Variants in CLEC5A observed in about 807,000 individuals in gnomAD.
CLEC5A encodes the protein C-type lectin domain family 5 member A.
A neutral mutation model predicts 24.4 loss-of-function variants in CLEC5A; 15 were observed. The observed-to-expected ratio is 0.62, with a 90% CI of 0.41 to 0.95. The LOEUF is 0.95. Ranked by LOEUF, CLEC5A falls within the 40% of genes least tolerant of loss-of-function variation. The probability of loss-of-function intolerance (pLI) is 0.00; values close to 1 mark genes in which losing one functional copy is unlikely to be tolerated. For synonymous variants in CLEC5A, 71 were observed against 72.6 expected, an observed-to-expected ratio of 0.98 and a Z score of 0.11; for missense variants, 211 against 224.0, an observed-to-expected ratio of 0.94 and a Z score of 0.37.
At position 141,931,798 on chromosome 7, in the gene CLEC5A, TCAGCA is replaced by T. The variant is rs1802474222; in HGVS notation, c.369_373del (p.Asp123GlufsTer12). The stretch of plus-strand genomic sequence containing the variant: ...GTAAATTAAGCCAATAAAATACTTC[TCAGCA>T]TCAGTTATGTCCTGAAGAAACTTCT... On this transcript the variant is annotated frameshift_variant, in exon 6 of 7. Coordinates refer to ENST00000546910, the MANE Select transcript of CLEC5A (RefSeq NM_013252.3). LOFTEE classifies it high-confidence loss of function. 6.2e-7 allele frequency: 1 copy of T among 1,602,530 alleles called. No homozygotes were observed. The highest frequency in any genetic ancestry group is 1.3e-5 in the African/African-American group (1 of 74,660).
intron 4 of CLEC5A, among the ~76,000 whole-genome samples, chr7:141,942,359 A>G (rs1802818641): frequency 6.6e-6 from 1 of 152,180 alleles, no homozygotes; most frequent in Middle Eastern, 3.2e-3. Flanking sequence ...TGGTTCTGGG[A>G]CACTGGATAT....
In CLEC5A at chr7:141,933,196, G is replaced by A. The variant is rs141633899; in HGVS notation, c.346-1370C>T. Among the ~76,000 whole-genome samples the A allele has an allele frequency of 3.7e-3, 564 of 152,252 alleles. 9 individuals are homozygous for A. Among genetic ancestry groups the A allele is most frequent in the East Asian group, 0.026 (134 of 5,168 alleles). On this transcript the variant is annotated intron_variant, in intron 5 of 6. Transcript: ENST00000546910. ...GAAATTATATACTGGATCTGGAAGA[G>A]GCAGAAAGGAGGAAGCGATCATTCT...
chr7:141,935,785 G>T (rs374405274), intron 5 of CLEC5A, 29 bp downstream of exon 5: 24 of 1,609,734 alleles, frequency 1.5e-5, no homozygotes, highest in Admixed American at 8.3e-5. Flanking sequence ...GGAGTGTGTG[G>T]CTTTACTGTA....
At chr7:141,932,950 C>T (rs185349904) in intron 5 of CLEC5A, among the ~76,000 whole-genome samples, 19 of 152,296 alleles carry the variant, frequency 1.2e-4, no homozygotes, top group Admixed American at 1.2e-3. Context: ...ATGCTGAACT[C>T]TCATGCTGGA....
intron 4 of CLEC5A, among the ~76,000 whole-genome samples, chr7:141,941,121 A>T (rs560555805): frequency 1.3e-5 from 2 of 152,184 alleles, no homozygotes; most frequent in East Asian, 3.9e-4. Context: ...ACTAAGACAC[A>T]TCAAAAAATG....
rs547528211 is a variant in CLEC5A at position 141,939,100 on chromosome 7, G to A, written c.209-3150C>T. Among the ~76,000 whole-genome samples, 78 of 152,134 alleles carry A rather than the reference G, an allele frequency of 5.1e-4. 1 individual carries two copies. The highest frequency in any genetic ancestry group is 1.9e-3 in the African/African-American group (77 of 41,502). ...TATACAAAATTCACTGATTATAGTA[G>A]GTACATGGAAAAACACAATATCACA... On this transcript the variant is annotated intron_variant, in intron 4 of 6. Coordinates refer to ENST00000546910, the MANE Select transcript of CLEC5A (RefSeq NM_013252.3).
intron 4 of CLEC5A, among the ~76,000 whole-genome samples, chr7:141,941,407 G>A (rs1308475483): frequency 6.6e-6 from 1 of 152,024 alleles, no homozygotes; most frequent in African/African-American, 2.4e-5. Flanking sequence ...TCAAAAAACA[G>A]GGTATTGAAG....
intron 4 of CLEC5A, among the ~76,000 whole-genome samples, chr7:141,942,016 C>CT (rs1802808583): frequency 6.6e-6 from 1 of 151,932 alleles, no homozygotes; most frequent in African/African-American, 2.4e-5. Flanking sequence ...AAGCAATCTA[C>CT]AGATTTAATG....
intron 5 of CLEC5A, among the ~76,000 whole-genome samples, chr7:141,934,124 G>A (rs561811716): frequency 3.9e-5 from 6 of 152,306 alleles, no homozygotes; most frequent in Admixed American, 2.6e-4. Flanking sequence ...CCTGACATAT[G>A]CCATGCTAGG....
Position 141,930,030 on chromosome 7 carries a change from A to G in CLEC5A, c.*74T>C. On this transcript the variant is annotated 3_prime_UTR_variant, in exon 7 of 7. Transcript: ENST00000546910. ...ACTGGTAGACAGATAGGTAAGTAAAAGAATCATTGGCCAGACGACCTGTAT... is the reference window on the plus strand; with the variant it reads ...ACTGGTAGACAGATAGGTAAGTAAAGGAATCATTGGCCAGACGACCTGTAT... 2.5e-6 allele frequency: 3 copies of G among 1,187,402 alleles called. No individual in the cohort carries two copies. The highest frequency in any genetic ancestry group is 3.7e-6 in the Non-Finnish European group (3 of 816,988). 73.6% of individuals were successfully genotyped at this position (1,187,402 alleles called of 1,614,324 possible).
chr7:141,946,152 A>T, intron 2 of CLEC5A, 62 bp downstream of exon 2: 1 of 1,510,438 alleles, frequency 6.6e-7, no homozygotes, highest in Non-Finnish European at 9.0e-7. Context: ...ATGCATTCTG[A>T]GAGAAGAGTC....
At chr7:141,930,803 T>C (rs955406975) in intron 6 of CLEC5A, among the ~76,000 whole-genome samples, 1 of 152,240 alleles carries the variant, frequency 6.6e-6, no homozygotes, top group African/African-American at 2.4e-5. Flanking sequence ...GCTTTACTTG[T>C]CCTCAGTTCA....
At chr7:141,932,772 T>A (rs982096333) in intron 5 of CLEC5A, among the ~76,000 whole-genome samples, 4 of 152,240 alleles carry the variant, frequency 2.6e-5, no homozygotes, top group Admixed American at 6.5e-5. Context: ...CATCCTGTTT[T>A]GGTAAATGTT....
chr7:141,945,977 C>T (rs782586272), intron 2 of CLEC5A: 93 of 491,422 alleles, frequency 1.9e-4, no homozygotes, highest in Non-Finnish European at 2.6e-4. Context: ...CTTTGCGTGG[C>T]GTTCTAACCA....
intron 5 of CLEC5A, among the ~76,000 whole-genome samples, chr7:141,932,565 C>T (rs1802498629): frequency 6.6e-6 from 1 of 152,182 alleles, no homozygotes; most frequent in Admixed American, 6.5e-5. Flanking sequence ...TTTCAATGTT[C>T]TCCTTTTCTG....
chr7:141,930,729 G>A (rs75853746), intron 6 of CLEC5A, among the ~76,000 whole-genome samples: 5,836 of 152,228 alleles, frequency 0.038, 187 homozygotes, highest in South Asian at 0.18. Context: ...GACTGAAAAG[G>A]CTCTGGTTTC....
intron 4 of CLEC5A, among the ~76,000 whole-genome samples, chr7:141,940,406 A>G (rs1482151060): frequency 3.9e-5 from 6 of 151,906 alleles, no homozygotes; most frequent in Non-Finnish European, 8.8e-5. Context: ...AAAACACAAC[A>G]TACTGAAACC....
intron 4 of CLEC5A, among the ~76,000 whole-genome samples, chr7:141,939,010 T>G (rs1285949): frequency 0.99 from 150,162 of 152,332 alleles, 74,051 homozygotes; most frequent in Middle Eastern, 1. Flanking sequence ...CCTATAAGAA[T>G]TGCTAAAAAC....
intron 4 of CLEC5A, among the ~76,000 whole-genome samples, chr7:141,940,825 C>G (rs953402179): frequency 1.3e-5 from 2 of 152,002 alleles, no homozygotes; most frequent in Admixed American, 6.6e-5. Context: ...ATTGGAAAAT[C>G]TAGAAGAAAT....
Sources: allele counts gnomAD v4.1 joint callset (sites outside exome capture counted in the v4.1 genomes callset), GRCh38; gene constraint gnomAD v4.1.1; transcripts MANE v1.5; gene names NCBI Gene and HGNC (gene_info 2026-07-23, HGNC 2026-07-21).